The following SLC25A16 variants were observed in gnomAD, a reference collection of about 807,000 sequenced individuals.
SLC25A16 encodes the protein mitochondrial coenzyme A transporter SLC25A16.
SLC25A16 carries 39 observed loss-of-function variants against 41.5 expected under a neutral mutation model. That is an observed-to-expected ratio of 0.94 (90% CI 0.73 to 1.23). The LOEUF is 1.23. SLC25A16 is among the 50% of genes most tolerant of loss of function. The pLI is 0.00. For missense variants in SLC25A16, 421 were observed against 426.9 expected (o/e 0.99, Z 0.12); for synonymous variants, 146 against 147.8 (o/e 0.99, Z 0.09).
In SLC25A16 at chr10:68,478,620, C is replaced by G. The variant is rs1180327558; in HGVS notation, c.*4812G>C. ...GCTCGAATGCCTAGGCTCAAGTGAT[C>G]CTCCTCGCTCAGCCTCCCAAAGGGC... On this transcript the variant is annotated 3_prime_UTR_variant, in exon 9 of 9. Coordinates refer to ENST00000609923, the MANE Select transcript of SLC25A16 (RefSeq NM_152707.4). The G allele has an allele frequency of 6.6e-6, 1 of 151,908 alleles. No homozygotes were observed. Among genetic ancestry groups the G allele is most frequent in the East Asian group, 1.9e-4 (1 of 5,202 alleles). The allele number at this position is 151,908 out of a possible 1,614,324, so 9.4% of individuals were successfully genotyped here.
intron 2 of SLC25A16, among the ~76,000 whole-genome samples, chr10:68,510,399 A>G (rs2053040596): frequency 6.6e-6 from 1 of 151,134 alleles, no homozygotes; most frequent in African/African-American, 2.4e-5. Flanking sequence ...AAAATTAGCC[A>G]GGTGTGGTGG....
At chr10:68,522,405 C>A (rs1316799181) in intron 1 of SLC25A16, among the ~76,000 whole-genome samples, 2 of 151,994 alleles carry the variant, frequency 1.3e-5, no homozygotes, top group East Asian at 3.9e-4. Flanking sequence ...TAAAGCCAGG[C>A]ACAGTGGCTC....
chr10:68,508,403 TAAA>T (rs59336332), intron 2 of SLC25A16, among the ~76,000 whole-genome samples: 16,420 of 126,074 alleles, frequency 0.13, 1,229 homozygotes, highest in South Asian at 0.27. Flanking sequence ...CAGGAAGCTT[TAAA>T]AAAAAAAAAA....
At chr10:68,523,757 G>A (rs1355270861) in intron 1 of SLC25A16, among the ~76,000 whole-genome samples, 1 of 152,084 alleles carries the variant, frequency 6.6e-6, no homozygotes, top group Non-Finnish European at 1.5e-5. Flanking sequence ...TTACAGGTGT[G>A]AGACACCTCA....
At position 68,495,755 on chromosome 10, in the gene SLC25A16, C is replaced by T. The variant is rs187239901; in HGVS notation, c.422-2185G>A. 2.7e-3 allele frequency among the ~76,000 whole-genome samples: 325 copies of T among 118,808 alleles called. 2 individuals are homozygous for T. The highest frequency in any genetic ancestry group is 9.9e-3 in the African/African-American group (309 of 31,092). The allele number at this position is 118,808 out of a possible 152,430, so 77.9% of individuals were successfully genotyped here. On this transcript the variant is annotated intron_variant, in intron 4 of 8. Transcript: ENST00000609923. ...CGAGATCATGCCACTGCACTCCAGT[C>T]TGGGCAACAGAGTTAGACTATGTCT... is the stretch of plus-strand genomic sequence containing the variant.
rs1287625974 is a variant in SLC25A16 at position 68,478,552 on chromosome 10, T to C, written c.*4880A>G. The C allele has an allele frequency of 2.0e-5, 3 of 151,988 alleles. No homozygotes were observed. Among genetic ancestry groups the C allele is most frequent in the African/African-American group, 7.2e-5 (3 of 41,414 alleles). The allele number at this position is 151,988 out of a possible 1,614,324, so 9.4% of individuals were successfully genotyped here. On this transcript the variant is annotated 3_prime_UTR_variant, in exon 9 of 9. Transcript: ENST00000609923. ...TAGGGTTTTTTAAAAAAACATTTTA[T>C]ATAAAAAAATGAGACAGAGTCTTGC...
Position 68,493,166 on chromosome 10 carries a change from C to A in SLC25A16, c.576G>T (p.Leu192=). 6.2e-7 allele frequency: 1 copy of A among 1,600,142 alleles called. No homozygotes were observed. Among genetic ancestry groups the A allele is most frequent in the African/African-American group, 1.3e-5 (1 of 74,082 alleles). The change falls in exon 6 of 9, where the codon CTG becomes CTT. Residue 192 remains leucine, a synonymous_variant. Coordinates refer to ENST00000609923, the MANE Select transcript of SLC25A16 (RefSeq NM_152707.4). ...GAGCCATTCCTAAAATAGTAGGCATCAGACCTCTGTAAAATCCAAAGAAAC... is the reference window on the plus strand; with the variant it reads ...GAGCCATTCCTAAAATAGTAGGCATAAGACCTCTGTAAAATCCAAAGAAAC... ...EGGFFGFYRG[L]MPTILGMAPY...
chr10:68,483,468 T>C lies in SLC25A16; in HGVS notation c.963A>G (p.Thr321=), dbSNP rs749688021. 3.1e-6 allele frequency: 5 copies of C among 1,606,560 alleles called. No individual in the cohort carries two copies. Among genetic ancestry groups the C allele is most frequent in the African/African-American group, 1.3e-5 (1 of 74,710 alleles). ...GAAAAAACTGCTTCATAAGTTCGTA[T>C]GTTGTAAAAGCCACTGCTTGAGAGG... ...CIPSQAVAFT[T]YELMKQFFHL... Residue 321 remains threonine (T), a synonymous_variant, in exon 9 of 9, where the codon ACA becomes ACG. Coordinates refer to ENST00000609923, the MANE Select transcript of SLC25A16 (RefSeq NM_152707.4).
chr10:68,522,375 T>C (rs2941106), intron 1 of SLC25A16, among the ~76,000 whole-genome samples: 12 of 151,486 alleles, frequency 7.9e-5, no homozygotes, highest in Non-Finnish European at 1.5e-4. Flanking sequence ...GAGGAGAGGA[T>C]TGTCAAAGAA....
In SLC25A16 at chr10:68,493,498, TC is replaced by T. The variant is rs779475905; in HGVS notation, c.493del (p.Glu165AsnfsTer28). 6.8e-6 allele frequency: 11 copies of T among 1,613,358 alleles called. No homozygotes were observed. The highest frequency in any genetic ancestry group is 6.7e-5 in the Admixed American group (4 of 59,984). ...RVRLAFQVKGEHSYTGIIHAF... is the reference protein window; with the variant it reads ...RVRLAFQVKGXHSYTGIIHAF... ...ATGAATAATTCCTGTATAGCTGTGT[TC>T]CCCTTTCACCTGGAATGCTAGGCGG... On this transcript the variant is annotated frameshift_variant, in exon 5 of 9. Transcript: ENST00000609923. LOFTEE classifies it high-confidence loss of function.
intron 1 of SLC25A16, chr10:68,518,132 A>C (rs2053190821): frequency 6.6e-6 from 1 of 152,174 alleles, no homozygotes; most frequent in African/African-American, 2.4e-5. Context: ...TTAAAAAACA[A>C]CAAGTCCGGG....
chr10:68,495,558 T>TA (rs1020358828), intron 4 of SLC25A16, among the ~76,000 whole-genome samples: 8 of 151,764 alleles, frequency 5.3e-5, no homozygotes, highest in Middle Eastern at 3.2e-3. Flanking sequence ...CCAAGGTGGG[T>TA]GGATCACTTG....
rs535717329 is a variant in SLC25A16 at position 68,480,730 on chromosome 10, T to A, written c.*2702A>T. On this transcript the variant is annotated 3_prime_UTR_variant, in exon 9 of 9. Transcript: ENST00000609923. Reference sequence around the variant, plus strand: ...CCACAATGGTCTCGATTTCCTGACCTCGTGATCCCCCCGCCTCAGCCTCCC... The same window carrying A: ...CCACAATGGTCTCGATTTCCTGACCACGTGATCCCCCCGCCTCAGCCTCCC... 28 of 152,102 alleles carry A rather than the reference T, an allele frequency of 1.8e-4. No homozygotes were observed. Among genetic ancestry groups the A allele is most frequent in the African/African-American group, 6.3e-4 (26 of 41,510 alleles). The allele number at this position is 152,102 out of a possible 1,614,324, so 9.4% of individuals were successfully genotyped here. A position where few individuals can be genotyped will look rare whatever the true frequency, so the allele number is the denominator to read the frequency against.
At position 68,527,139 on chromosome 10, in the gene SLC25A16, A is replaced by G. The variant is rs1002071187; in HGVS notation, c.130+107T>C. 4.2e-6 allele frequency: 5 copies of G among 1,191,464 alleles called. No homozygotes were observed. In the African/African-American group the frequency reaches 8.0e-5, roughly 19 times the overall value. The allele number at this position is 1,191,464 out of a possible 1,614,324, so 73.8% of individuals were successfully genotyped here. Reference sequence around the variant, plus strand: ...AGGGCAGACATCTAACAGAACATTGAAGCAGCCAGAGTCCAGGAATGTCAT... The same window carrying G: ...AGGGCAGACATCTAACAGAACATTGGAGCAGCCAGAGTCCAGGAATGTCAT... On this transcript the variant is annotated intron_variant, in intron 1 of 8. Transcript: ENST00000609923.
intron 8 of SLC25A16, among the ~76,000 whole-genome samples, chr10:68,486,218 CAAAAAAACAAAACAA>C (rs2052558110): frequency 2.0e-5 from 1 of 49,916 alleles, no homozygotes; most frequent in African/African-American, 9.5e-5. Context: ...GACTTTGTCT[CAAAAAAACAAAACAA>C]AAAAAAAAAA....
At chr10:68,483,698 C>T in intron 8 of SLC25A16, 110 bp from the exon 9 acceptor site, 1 of 846,756 alleles carries the variant, frequency 1.2e-6, no homozygotes, top group Non-Finnish European at 1.7e-6. Flanking sequence ...CTCTGTCACC[C>T]AGATGGGAGT....
chr10:68,514,071 T>C (rs1299530486), intron 2 of SLC25A16, among the ~76,000 whole-genome samples: 2 of 152,110 alleles, frequency 1.3e-5, no homozygotes, highest in Admixed American at 6.6e-5. Flanking sequence ...CGGATGCCTG[T>C]AATCCCAGCT....
intron 4 of SLC25A16, among the ~76,000 whole-genome samples, chr10:68,494,222 T>A (rs1196959802): frequency 1.3e-5 from 2 of 152,052 alleles, no homozygotes; most frequent in African/African-American, 2.4e-5. Flanking sequence ...CCCAGCACTT[T>A]GGGAGGCCGA....
At chr10:68,491,129 T>C (rs537388201) in intron 6 of SLC25A16, among the ~76,000 whole-genome samples, 1 of 152,246 alleles carries the variant, frequency 6.6e-6, no homozygotes, top group South Asian at 2.1e-4. Context: ...TCCTCCTGCC[T>C]CAGCCTCCCA....
Sources: gnomAD v4.1 joint callset for allele counts (sites outside exome capture counted in the v4.1 genomes callset) on GRCh38, gnomAD v4.1.1 for gene constraint, MANE v1.5 for transcripts, NCBI Gene and HGNC (gene_info 2026-07-23, HGNC 2026-07-21) for gene names.